Variants in TRIM9 observed in about 807,000 individuals in gnomAD.
TRIM9 encodes the protein tripartite motif containing 9.
A neutral mutation model predicts 78.3 loss-of-function variants in TRIM9; 26 were observed. That is an observed-to-expected ratio of 0.33 (90% CI 0.24 to 0.46). TRIM9 has a LOEUF of 0.46. TRIM9 is among the 20% of genes least tolerant of loss of function. The pLI is 1.00. For missense variants in TRIM9, 787 were observed against 1,036.4 expected, an observed-to-expected ratio of 0.76 and a Z score of 3.30; for synonymous variants, 398 against 416.5, an observed-to-expected ratio of 0.96 and a Z score of 0.54.
At chr14:51,027,951 T>C (rs1177913347) in intron 1 of TRIM9, among the ~76,000 whole-genome samples, 2 of 152,142 alleles carry the variant, frequency 1.3e-5, no homozygotes, top group African/African-American at 2.4e-5. Context: ...AGAAGTAAAA[T>C]TGATTTGGTT....
rs546909631 is a variant in TRIM9 at position 50,994,355 on chromosome 14, T to A, written c.1603+3695A>T. 6.6e-5 allele frequency among the ~76,000 whole-genome samples: 10 copies of A among 152,286 alleles called. No homozygotes were observed. The South Asian group carries it at 2.1e-3, about 32-fold the overall frequency. The stretch of plus-strand genomic sequence containing the variant: ...CCAGGTGTAGGAGGCTGCAGTGAGC[T>A]ATGATTGTGCCACTGCACTGCAGCC... On this transcript the variant is annotated intron_variant, in intron 7 of 12. Coordinates refer to ENST00000684578, the MANE Select transcript of TRIM9 (RefSeq NM_001387360.1).
At chr14:51,059,403 A>G (rs963750107) in intron 1 of TRIM9, among the ~76,000 whole-genome samples, 6 of 152,228 alleles carry the variant, frequency 3.9e-5, no homozygotes, top group South Asian at 2.1e-4. Context: ...TATTCTTTCA[A>G]CATTTACTTT....
At chr14:51,007,449 T>C (rs1364051820) in intron 5 of TRIM9, among the ~76,000 whole-genome samples, 1 of 152,210 alleles carries the variant, frequency 6.6e-6, no homozygotes, top group South Asian at 2.1e-4. Context: ...ATTCACTTAT[T>C]CCCTGAAGAA....
chr14:50,983,468 T>A (rs1245761602), intron 8 of TRIM9, 47 bp from the exon 9 acceptor site: 2 of 1,458,908 alleles, frequency 1.4e-6, no homozygotes, highest in Non-Finnish European at 1.9e-6. Context: ...ACAACCAGGT[T>A]GATAAAAATT....
At chr14:51,014,037 C>T (rs372043867) in intron 3 of TRIM9, among the ~76,000 whole-genome samples, 18 of 152,020 alleles carry the variant, frequency 1.2e-4, no homozygotes, top group African/African-American at 3.1e-4. Flanking sequence ...ACTGGAAGTC[C>T]GAATAATAAG....
chr14:50,985,756 A>G (rs547917715), intron 8 of TRIM9, among the ~76,000 whole-genome samples, 200 bp downstream of exon 8: 1 of 152,324 alleles, frequency 6.6e-6, no homozygotes, highest in East Asian at 1.9e-4. Flanking sequence ...CCACAGCTCC[A>G]TGGTTGCTCC....
chr14:50,982,059 T>C lies in TRIM9; in HGVS notation c.1903A>G (p.Ile635Val). ...ACTGTCAGGTTGTCATTGGAGAGGA[T>C]GATGTCCGAGTGCGCCGAGCCAGGG... Reference protein sequence around the residue: ...FDPGSAHSDIILSNDNLTVTC... With the variant: ...FDPGSAHSDIVLSNDNLTVTC... Residue 635 changes from isoleucine (I) to valine (V), a missense_variant, in exon 11 of 13, where the codon ATC becomes GTC. Around this residue, in one of 3 missense-constraint regions of TRIM9, gnomAD observed 421 missense variants for 514.3 expected, o/e 0.82. Transcript: ENST00000684578. The C allele has an allele frequency of 3.1e-6, 5 of 1,614,128 alleles. No individual in the cohort carries two copies. In the South Asian group the frequency reaches 4.4e-5, roughly 14 times the overall value.
chr14:50,977,276 C>T lies in TRIM9; in HGVS notation c.*15G>A, dbSNP rs367978624. ...GGAGGTAAGAACAGGCAGCTGGCGC[C>T]TCCACGGCACATCCTTAGGCTATTG... is the stretch of plus-strand genomic sequence containing the variant. On this transcript the variant is annotated 3_prime_UTR_variant, in exon 13 of 13. Transcript: ENST00000684578. The T allele has an allele frequency of 5.5e-4, 822 of 1,482,658 alleles. No homozygotes were observed. The highest frequency in any genetic ancestry group is 7.0e-4 in the Non-Finnish European group (772 of 1,110,286). The allele number at this position is 1,482,658 out of a possible 1,614,324, so 91.8% of individuals were successfully genotyped here. A position where few individuals can be genotyped will look rare whatever the true frequency, so the allele number is the denominator to read the frequency against.
At chr14:51,003,778 T>C (rs948735836) in intron 5 of TRIM9, among the ~76,000 whole-genome samples, 2 of 152,150 alleles carry the variant, frequency 1.3e-5, no homozygotes, top group African/African-American at 2.4e-5. Flanking sequence ...CCCAGAGATA[T>C]TTGCATCTGT....
At chr14:51,041,792 C>G (rs941385821) in intron 1 of TRIM9, among the ~76,000 whole-genome samples, 10 of 151,020 alleles carry the variant, frequency 6.6e-5, no homozygotes, top group Non-Finnish European at 1.2e-4. Context: ...ATTTTAAAGC[C>G]TAATATGATG....
At chr14:51,073,886 A>G (rs770881317) in intron 1 of TRIM9, among the ~76,000 whole-genome samples, 148 of 152,276 alleles carry the variant, frequency 9.7e-4, no homozygotes, top group Non-Finnish European at 1.5e-3. Context: ...AGTTCCTCCC[A>G]TAGGATATAC....
At chr14:51,000,477 TAAG>T (rs776240363) in intron 6 of TRIM9, among the ~76,000 whole-genome samples, 5 of 152,182 alleles carry the variant, frequency 3.3e-5, no homozygotes, top group Non-Finnish European at 5.9e-5. Flanking sequence ...TCCTGTCTCA[TAAG>T]AAGGGTAGGG....
At chr14:51,025,481 T>C in intron 1 of TRIM9, 121 bp from the exon 2 acceptor site, 2 of 802,894 alleles carry the variant, frequency 2.5e-6, no homozygotes, top group South Asian at 3.4e-5. Flanking sequence ...AGGTTGGACC[T>C]TTTTGCTGGC....
At chr14:51,071,507 T>G (rs1596309754) in intron 1 of TRIM9, among the ~76,000 whole-genome samples, 1 of 151,900 alleles carries the variant, frequency 6.6e-6, no homozygotes, top group East Asian at 1.9e-4. Flanking sequence ...GTGATAAAAA[T>G]TCTGAGCTGC....
chr14:51,046,844 A>G (rs1165067010), intron 1 of TRIM9, among the ~76,000 whole-genome samples: 3 of 152,258 alleles, frequency 2.0e-5, no homozygotes, highest in Non-Finnish European at 4.4e-5. Context: ...AACTGGCTCA[A>G]TATATGTACA....
chr14:51,084,409 T>C (rs918809174), intron 1 of TRIM9, among the ~76,000 whole-genome samples: 1 of 152,216 alleles, frequency 6.6e-6, no homozygotes, highest in Non-Finnish European at 1.5e-5. Context: ...TTCACTTCCA[T>C]AATGGCAGAA....
In TRIM9 at chr14:51,007,300, G is replaced by A. The variant is rs182482714; in HGVS notation, c.1306+1780C>T. 5.5e-4 allele frequency among the ~76,000 whole-genome samples: 83 copies of A among 152,226 alleles called. 2 individuals are homozygous for A. The East Asian group carries it at 0.014, about 26-fold the overall frequency. The stretch of plus-strand genomic sequence containing the variant: ...GGGAATAGAGAGAGGCTGATCCAGG[G>A]GGATTTATCTGGGGCTCTATATTTT... On this transcript the variant is annotated intron_variant, in intron 5 of 12. Coordinates refer to ENST00000684578, the MANE Select transcript of TRIM9 (RefSeq NM_001387360.1).
At chr14:51,007,766 T>C (rs932629515) in intron 5 of TRIM9, among the ~76,000 whole-genome samples, 4 of 150,562 alleles carry the variant, frequency 2.7e-5, no homozygotes, top group African/African-American at 9.8e-5. Context: ...CAAAAATTTT[T>C]GAAGCCATCT....
chr14:50,991,275 G>C (rs2053476432), intron 7 of TRIM9, among the ~76,000 whole-genome samples: 1 of 152,116 alleles, frequency 6.6e-6, no homozygotes, highest in South Asian at 2.1e-4. Flanking sequence ...CCAAAAATAG[G>C]GTTCTGAATC....
Sources: gnomAD v4.1 joint callset for allele counts (sites outside exome capture counted in the v4.1 genomes callset) on GRCh38, gnomAD v4.1.1 for gene constraint, gnomAD v4.1.1 regional missense constraint, MANE v1.5 for transcripts, NCBI Gene and HGNC (gene_info 2026-07-23, HGNC 2026-07-21) for gene names.